The following VCAN variants were observed in gnomAD, a reference collection of about 807,000 sequenced individuals.
VCAN encodes versican core protein.
A neutral mutation model predicts 245.5 loss-of-function variants in VCAN; 44 were observed. That is an observed-to-expected ratio of 0.18 (90% CI 0.14 to 0.23). VCAN has a LOEUF of 0.23. Among genes scored for constraint, VCAN ranks in the 10% least tolerant of loss-of-function variants. The pLI, the probability that VCAN is intolerant of heterozygous loss-of-function variation, is 1.00. For missense variants in VCAN, 3,793 were observed against 4,057.9 expected, an observed-to-expected ratio of 0.93 and a Z score of 1.77; for synonymous variants, 1,413 against 1,437.0, an observed-to-expected ratio of 0.98 and a Z score of 0.38.
chr5:83,474,331 G>T (rs1249705699), intron 1 of VCAN, among the ~76,000 whole-genome samples: 1 of 152,158 alleles, frequency 6.6e-6, no homozygotes, highest in East Asian at 1.9e-4. Flanking sequence ...AGCCAGGAAC[G>T]GACCGGAAGG....
intron 3 of VCAN, among the ~76,000 whole-genome samples, chr5:83,491,396 A>T (rs2112355205): frequency 1.3e-5 from 2 of 152,322 alleles, no homozygotes; most frequent in South Asian, 4.1e-4. Flanking sequence ...AGCCAAAAGG[A>T]AATACTTTGA....
In VCAN at chr5:83,521,189, A is replaced by C; in HGVS notation, c.2883A>C (p.Gln961His). Residue 961 changes from glutamine to histidine, a missense_variant, in exon 7 of 15, where the codon CAA becomes CAC. By Grantham distance (24) the Gln-to-His change is conservative. Coordinates refer to ENST00000265077, the MANE Select transcript of VCAN (RefSeq NM_004385.5). ...GLAFVSYSST[Q>H]EPTTYVDSSH... ...CATTTGTTAGTTATAGTAGCACCCAAGAGCCTACTACTTATGTAGACTCTT... is the reference window on the plus strand; with the variant it reads ...CATTTGTTAGTTATAGTAGCACCCACGAGCCTACTACTTATGTAGACTCTT... 6.2e-7 allele frequency: 1 copy of C among 1,613,500 alleles called. No individual in the cohort carries two copies. The highest frequency in any genetic ancestry group is 1.1e-5 in the South Asian group (1 of 91,034).
rs1338063735 is a variant in VCAN at position 83,537,893 on chromosome 5, C to T, written c.4890C>T (p.Leu1630=). Residue 1630 remains leucine, a synonymous_variant, in exon 8 of 15, where the codon CTC becomes CTT. Coordinates refer to ENST00000265077, the MANE Select transcript of VCAN (RefSeq NM_004385.5). ...VEATPRQVVE[L]SGSSSIPITE... ...CAACTCCTAGACAAGTTGTAGAGCT[C>T]TCAGGGAGTTCTTCGATTCCAATTA... The T allele has an allele frequency of 6.2e-7, 1 of 1,613,974 alleles. No homozygotes were observed. The highest frequency in any genetic ancestry group is 2.2e-5 in the East Asian group (1 of 44,856).
chr5:83,491,356 A>G (rs1375139584), intron 3 of VCAN, among the ~76,000 whole-genome samples: 1 of 152,224 alleles, frequency 6.6e-6, no homozygotes, highest in Non-Finnish European at 1.5e-5. Flanking sequence ...AAATATATAC[A>G]AAGGGTTTTA....
intron 11 of VCAN, among the ~76,000 whole-genome samples, chr5:83,554,353 T>C (rs1404589128): frequency 3.3e-5 from 5 of 152,252 alleles, no homozygotes; most frequent in Non-Finnish European, 7.3e-5. Context: ...TGATGCCTAC[T>C]ATCGTTTAGA....
At chr5:83,534,988 T>C (rs1259260663) in intron 7 of VCAN, among the ~76,000 whole-genome samples, 1 of 152,070 alleles carries the variant, frequency 6.6e-6, no homozygotes, top group African/African-American at 2.4e-5. Flanking sequence ...GTAACAACTT[T>C]AGTGACCTAA....
chr5:83,573,465 T>C (rs1281998040), intron 13 of VCAN, among the ~76,000 whole-genome samples: 1 of 151,968 alleles, frequency 6.6e-6, no homozygotes, highest in African/African-American at 2.4e-5. Flanking sequence ...GTCCCAATCC[T>C]GAAAGACACA....
chr5:83,576,738 A>G (rs1004842650), intron 13 of VCAN, among the ~76,000 whole-genome samples: 3 of 152,124 alleles, frequency 2.0e-5, no homozygotes, highest in Non-Finnish European at 2.9e-5. Flanking sequence ...ATTTGGCACT[A>G]TTGGACTTTG....
intron 13 of VCAN, among the ~76,000 whole-genome samples, chr5:83,572,861 T>TTTTTTTTA (rs995225814): frequency 7.0e-6 from 1 of 142,918 alleles, no homozygotes; most frequent in African/African-American, 2.6e-5. Context: ...ACCTTTTTAT[T>TTTTTTTTA]TTTATTTATT....
chr5:83,580,391 A>G lies in VCAN; in HGVS notation c.10148A>G (p.His3383Arg), dbSNP rs748713712. 9.3e-6 allele frequency: 15 copies of G among 1,613,880 alleles called. No individual in the cohort carries two copies. The highest frequency in any genetic ancestry group is 1.6e-4 in the Middle Eastern group (1 of 6,080). ...GACAATTCAATAAATACATCCAAACATGATCATCGTTGGAGCCGGAGGTGG... is the reference window on the plus strand; with the variant it reads ...GACAATTCAATAAATACATCCAAACGTGATCATCGTTGGAGCCGGAGGTGG... ...AKDNSINTSK[H>R]DHRWSRRWQE... Residue 3383 changes from histidine (H) to arginine (R), a missense_variant, in exon 15 of 15, where the codon CAT (histidine) becomes CGT (arginine). Physicochemically the swap from His to Arg is conservative, Grantham distance 29 (BLOSUM62 0). This residue lies in a region of VCAN where 37 missense variants were observed against 28.2 expected (regional missense o/e 1.31). Transcript: ENST00000265077.
intron 5 of VCAN, among the ~76,000 whole-genome samples, chr5:83,511,198 G>A (rs1197855772): frequency 6.6e-6 from 1 of 150,604 alleles, no homozygotes; most frequent in Non-Finnish European, 1.5e-5. Context: ...CTGGAGTGTG[G>A]TGGTGCAATC....
rs374598908 is a variant in VCAN at position 83,471,997 on chromosome 5, C to A, written c.-33C>A. On this transcript the variant is annotated 5_prime_UTR_variant, in exon 1 of 15. Coordinates refer to ENST00000265077, the MANE Select transcript of VCAN (RefSeq NM_004385.5). ...CGCAGCGCTGCAGTGAATTTTCCCCCCAAACTGCAATAAGCCGCCTTCCAA... is the reference window on the plus strand; with the variant it reads ...CGCAGCGCTGCAGTGAATTTTCCCCACAAACTGCAATAAGCCGCCTTCCAA... 4.4e-5 allele frequency: 17 copies of A among 382,600 alleles called. No homozygotes were observed. The Middle Eastern group carries it at 2.6e-3, about 59-fold the overall frequency. 23.7% of individuals were successfully genotyped at this position (382,600 alleles called of 1,614,324 possible). A position where few individuals can be genotyped will look rare whatever the true frequency, so the allele number is the denominator to read the frequency against.
At chr5:83,572,282 C>T in intron 12 of VCAN, 134 bp from the exon 13 acceptor site, 2 of 1,105,592 alleles carry the variant, frequency 1.8e-6, no homozygotes, top group Non-Finnish European at 2.7e-6. Flanking sequence ...TTCTGTACCA[C>T]CAAAATAATT....
Position 83,581,824 on chromosome 5 carries a change from C to T in VCAN, c.*1390C>T, listed in dbSNP as rs1748686316. ...GAAGATGACTTTGAATCCTTATCCACTTAATTTAATGTTTAAAGAAAAACC... is the reference window on the plus strand; with the variant it reads ...GAAGATGACTTTGAATCCTTATCCATTTAATTTAATGTTTAAAGAAAAACC... On this transcript the variant is annotated 3_prime_UTR_variant, in exon 15 of 15. Coordinates refer to ENST00000265077, the MANE Select transcript of VCAN (RefSeq NM_004385.5). 1 of 152,078 alleles carries T rather than the reference C, an allele frequency of 6.6e-6. No homozygotes were observed. Among genetic ancestry groups the T allele is most frequent in the Admixed American group, 6.6e-5 (1 of 15,256 alleles). 9.4% of individuals were successfully genotyped at this position (152,078 alleles called of 1,614,324 possible).
chr5:83,536,893 A>G, intron 7 of VCAN, 114 bp from the exon 8 acceptor site: 1 of 867,230 alleles, frequency 1.2e-6, no homozygotes, highest in South Asian at 2.0e-5. Context: ...TTATTATGAA[A>G]AGATTTGAAT....
intron 2 of VCAN, among the ~76,000 whole-genome samples, chr5:83,485,654 T>C (rs1007924908): frequency 3.6e-4 from 55 of 151,546 alleles, no homozygotes; most frequent in African/African-American, 1.3e-3. Flanking sequence ...GAGAAGTGAA[T>C]TGGATATGTG....
intron 5 of VCAN, among the ~76,000 whole-genome samples, chr5:83,499,007 G>A (rs955995677): frequency 2.0e-5 from 3 of 151,948 alleles, no homozygotes; most frequent in Admixed American, 1.3e-4. Context: ...CCCCACACAC[G>A]TGCATCTCGC....
Position 83,512,458 on chromosome 5 carries a change from T to C in VCAN, c.1042+62T>C, listed in dbSNP as rs753558090. 2.2e-5 allele frequency: 34 copies of C among 1,571,296 alleles called. No homozygotes were observed. In the East Asian group the frequency reaches 7.0e-4, roughly 32 times the overall value. ...AAAAAAAATGCTTCGAAGCATGCAT[T>C]GATGTTCAACTAGCCGTTGGAGTGG... On this transcript the variant is annotated intron_variant, in intron 6 of 14. Transcript: ENST00000265077.
At chr5:83,553,119 T>C (rs560252689) in intron 10 of VCAN, among the ~76,000 whole-genome samples, 2 of 152,344 alleles carry the variant, frequency 1.3e-5, no homozygotes, top group African/African-American at 4.8e-5. Context: ...TCTCTGGCTT[T>C]AATCAAGGAA....
Sources: allele counts gnomAD v4.1 joint callset (sites outside exome capture counted in the v4.1 genomes callset), GRCh38; gene constraint gnomAD v4.1.1; regional missense constraint gnomAD v4.1.1; transcripts MANE v1.5; gene names NCBI Gene and HGNC (gene_info 2026-07-23, HGNC 2026-07-21).